The following FOCAD variants were observed in gnomAD, a reference collection of about 807,000 sequenced individuals.
The protein encoded by FOCAD is KIAA1797.
In FOCAD, 198 loss-of-function variants were observed where a neutral mutation model predicts 225.6. That is an observed-to-expected ratio of 0.88 (90% CI 0.78 to 0.99). The LOEUF (loss-of-function observed/expected upper bound fraction) is 0.99. Ranked by LOEUF, FOCAD falls within the 50% of genes least tolerant of loss-of-function variation. The pLI is 0.00. For synonymous variants in FOCAD, 897 were observed against 755.0 expected, an observed-to-expected ratio of 1.19 and a Z score of -3.08; for missense variants, 2,713 against 2,123.6, an observed-to-expected ratio of 1.28 and a Z score of -5.46.
chr9:20,914,423 G>A (rs1177019131), intron 23 of FOCAD, among the ~76,000 whole-genome samples: 1 of 152,112 alleles, frequency 6.6e-6, no homozygotes. Flanking sequence ...ACGATAGAGG[G>A]AACAGAGAGT....
At chr9:20,682,006 A>C (rs1822413380), upstream of FOCAD, among the ~76,000 whole-genome samples, 1 of 152,206 alleles carries the variant, frequency 6.6e-6, no homozygotes, top group Non-Finnish European at 1.5e-5. Flanking sequence ...CAGGATTAAG[A>C]GGTGGGGCCA....
intron 4 of FOCAD, among the ~76,000 whole-genome samples, chr9:20,731,281 A>ACAG (rs1480899507): frequency 3.9e-5 from 5 of 128,352 alleles, no homozygotes; most frequent in African/African-American, 5.6e-5. Flanking sequence ...AACAACAACA[A>ACAG]CAAAGTACTT....
Position 20,881,879 on chromosome 9 carries a change from G to C in FOCAD, c.2326G>C (p.Glu776Gln). 1 of 1,612,358 alleles carries C rather than the reference G, an allele frequency of 6.2e-7. No individual in the cohort carries two copies. The highest frequency in any genetic ancestry group is 8.5e-7 in the Non-Finnish European group (1 of 1,179,486). The change falls in exon 20 of 44, where the codon GAA becomes CAA. Residue 776 changes from glutamate to glutamine, a missense_variant. Coordinates refer to ENST00000338382, the MANE Select transcript of FOCAD (RefSeq NM_001375567.1). Reference sequence around the variant, plus strand: ...CTTTTATCCTCTTTTAGCTTTGGAGGAATTTTTTACATCACTTGTGAAGCA... The same window carrying C: ...CTTTTATCCTCTTTTAGCTTTGGAGCAATTTTTTACATCACTTGTGAAGCA... ...TPPLVLPALE[E>Q]FFTSLVKQEM...
intron 22 of FOCAD, 102 bp downstream of exon 22, chr9:20,907,344 C>T (rs971454632): frequency 2.3e-6 from 2 of 880,958 alleles, no homozygotes; most frequent in Non-Finnish European, 3.7e-6. Context: ...GAAAATAGCA[C>T]TACCAAAAAT....
intron 15 of FOCAD, among the ~76,000 whole-genome samples, chr9:20,842,178 C>G (rs1207230285): frequency 6.6e-6 from 1 of 151,304 alleles, no homozygotes; most frequent in Non-Finnish European, 1.5e-5. Context: ...TTTGGTCTAT[C>G]CATGAAAATG....
rs767582472 is a variant in FOCAD, at chr9:20,758,225, G to A, written c.494+34G>A. 3.3e-6 allele frequency: 5 copies of A among 1,501,156 alleles called. No individual in the cohort carries two copies. The African/African-American group carries it at 6.9e-5, about 21-fold the overall frequency. The allele number at this position is 1,501,156 out of a possible 1,614,324, so 93.0% of individuals were successfully genotyped here. A position where few individuals can be genotyped will look rare whatever the true frequency, so the allele number is the denominator to read the frequency against. On this transcript the variant is annotated intron_variant, in intron 6 of 43. Coordinates refer to ENST00000338382, the MANE Select transcript of FOCAD (RefSeq NM_001375567.1). ...AAATAAAAGTGTAAAATAAAGTGAG[G>A]GAGACAGAATGGTATATGCTAATTT...
rs755852845 is a variant in FOCAD, at chr9:20,881,986, A to G, written c.2433A>G (p.Ala811=). Reference sequence around the variant, plus strand: ...GCTCAGACCAAGGAAAGACTGTAGCAGGAATCCCCAATTTTATATTGAAAA... The same window carrying G: ...GCTCAGACCAAGGAAAGACTGTAGCGGGAATCCCCAATTTTATATTGAAAA... The part of the protein sequence containing the change: ...GARSDQGKTV[A]GIPNFILKMY... The change falls in exon 20 of 44, where the codon GCA becomes GCG. Residue 811 remains alanine (A), a synonymous_variant. Transcript: ENST00000338382. 1.2e-6 allele frequency: 2 copies of G among 1,613,864 alleles called. No homozygotes were observed. Among genetic ancestry groups the G allele is most frequent in the Non-Finnish European group, 1.7e-6 (2 of 1,179,908 alleles).
chr9:20,929,672 T>C, intron 27 of FOCAD, 76 bp downstream of exon 27: 1 of 1,158,666 alleles, frequency 8.6e-7, no homozygotes, highest in Middle Eastern at 2.2e-4. Flanking sequence ...TATGCACCTA[T>C]ATATAAACAT....
intron 10 of FOCAD, among the ~76,000 whole-genome samples, chr9:20,788,537 AT>A (rs538597810): frequency 5.1e-4 from 77 of 152,330 alleles, no homozygotes; most frequent in African/African-American, 1.8e-3. Flanking sequence ...TTCAATTGTT[AT>A]CCTAATTCAT....
At chr9:20,763,853 C>T (rs1055061909) in intron 6 of FOCAD, among the ~76,000 whole-genome samples, 15 of 151,938 alleles carry the variant, frequency 9.9e-5, no homozygotes, top group South Asian at 4.2e-4. Context: ...ATGATCATTC[C>T]GGTGTTTTAG....
chr9:20,707,860 C>T (rs1300342036), intron 1 of FOCAD, among the ~76,000 whole-genome samples: 1 of 152,034 alleles, frequency 6.6e-6, no homozygotes, highest in Non-Finnish European at 1.5e-5. Flanking sequence ...GCCTTTGAAG[C>T]AAGAGCTGAG....
intron 22 of FOCAD, among the ~76,000 whole-genome samples, chr9:20,911,460 G>T (rs1315977717): frequency 6.6e-6 from 1 of 151,974 alleles, no homozygotes; most frequent in Admixed American, 6.6e-5. Context: ...TACATTTTTG[G>T]GACCTCTTAC....
intron 27 of FOCAD, 83 bp from the exon 28 acceptor site, chr9:20,932,931 T>G (rs561510834): frequency 1.0e-6 from 1 of 953,174 alleles, no homozygotes; most frequent in Non-Finnish European, 1.6e-6. Context: ...CAGTAAAATA[T>G]TGAGAGTATA....
intron 37 of FOCAD, among the ~76,000 whole-genome samples, chr9:20,979,975 C>A (rs899500868): frequency 1.3e-5 from 2 of 152,174 alleles, no homozygotes; most frequent in African/African-American, 4.8e-5. Flanking sequence ...GTTTTTCAAT[C>A]ATCACCAAGA....
intron 29 of FOCAD, 105 bp downstream of exon 29, chr9:20,944,879 T>C (rs907706944): frequency 1.7e-5 from 20 of 1,208,394 alleles, no homozygotes; most frequent in Non-Finnish European, 1.1e-6. Context: ...AATTAAATTC[T>C]TCCTCAAAGA....
chr9:20,797,931 C>G (rs913477931), intron 11 of FOCAD, among the ~76,000 whole-genome samples: 1 of 152,154 alleles, frequency 6.6e-6, no homozygotes, highest in South Asian at 2.1e-4. Context: ...TGCCGGTTTT[C>G]AAAGGGAATG....
Position 20,741,886 on chromosome 9 carries a change from T to C in FOCAD, c.392+1546T>C, listed in dbSNP as rs574874279. Reference sequence around the variant, plus strand: ...ATAGAAAATAATTCAATTTAGTTGTTGTTAAGATGGGCTTATTTATTTCTA... The same window carrying C: ...ATAGAAAATAATTCAATTTAGTTGTCGTTAAGATGGGCTTATTTATTTCTA... On this transcript the variant is annotated intron_variant, in intron 5 of 43. Transcript: ENST00000338382. 2.0e-5 allele frequency among the ~76,000 whole-genome samples: 3 copies of C among 152,272 alleles called. No individual in the cohort carries two copies. In the East Asian group the frequency reaches 5.8e-4, roughly 29 times the overall value.
rs551267157 is a variant in FOCAD at position 20,960,772 on chromosome 9, C to T, written c.4132+7707C>T. On this transcript the variant is annotated intron_variant, in intron 35 of 43. Transcript: ENST00000338382. ...ACAACAGGCCTCGGTGTGTGATGTT[C>T]CCCTTCCTGTGTCCAATGTGTCCAA... 2.1e-5 allele frequency among the ~76,000 whole-genome samples: 3 copies of T among 141,590 alleles called. No homozygotes were observed. In the East Asian group the frequency reaches 7.0e-4, roughly 33 times the overall value. 92.9% of individuals were successfully genotyped at this position (141,590 alleles called of 152,430 possible).
At chr9:20,864,849 T>C (rs1376684369) in intron 16 of FOCAD, among the ~76,000 whole-genome samples, 8 of 152,124 alleles carry the variant, frequency 5.3e-5, no homozygotes, top group Admixed American at 5.2e-4. Context: ...TCACTCTTAC[T>C]AGTTTATACC....
Sources: allele counts gnomAD v4.1 joint callset (sites outside exome capture counted in the v4.1 genomes callset), GRCh38; gene constraint gnomAD v4.1.1; transcripts MANE v1.5; gene names NCBI Gene and HGNC (gene_info 2026-07-23, HGNC 2026-07-21).